ADIPOR2: variants seen among roughly 807,000 people sequenced by gnomAD.
The protein encoded by ADIPOR2 is adiponectin receptor 2, also known as adiponectin receptor protein 2.
In ADIPOR2, 18 loss-of-function variants were observed where a neutral mutation model predicts 40.9. The observed-to-expected ratio is 0.44, with a 90% CI of 0.30 to 0.65. The LOEUF (loss-of-function observed/expected upper bound fraction) is 0.65, where lower values mean the gene tolerates loss of function less well. Among genes scored for constraint, ADIPOR2 ranks in the 30% least tolerant of loss-of-function variants. The pLI is 0.09. For synonymous variants in ADIPOR2, 165 were observed against 166.4 expected (o/e 0.99, Z 0.06); for missense variants, 283 against 479.2 (o/e 0.59, Z 3.82).
intron 1 of ADIPOR2, chr12:1,702,850 A>T (rs1358537993): frequency 2.0e-5 from 3 of 152,186 alleles, no homozygotes; most frequent in Admixed American, 2.0e-4. Flanking sequence ...GGTTCTCCTC[A>T]TGCACATTAA....
At chr12:1,710,081 C>T (rs2094673123) in intron 1 of ADIPOR2, among the ~76,000 whole-genome samples, 1 of 152,210 alleles carries the variant, frequency 6.6e-6, no homozygotes. Context: ...TGTAAAAATG[C>T]ACCAGTCAGT....
intron 1 of ADIPOR2, among the ~76,000 whole-genome samples, chr12:1,699,647 G>A (rs781681909): frequency 2.5e-4 from 38 of 152,094 alleles, no homozygotes; most frequent in Admixed American, 4.6e-4. Flanking sequence ...GCGAAACTCC[G>A]TCTTAAAAAG....
chr12:1,713,227 G>A lies in ADIPOR2; in HGVS notation c.-87+22036G>A, dbSNP rs566821463. 1.2e-4 allele frequency among the ~76,000 whole-genome samples: 18 copies of A among 152,230 alleles called. No homozygotes were observed. In the East Asian group the frequency reaches 2.9e-3, roughly 25 times the overall value. The stretch of plus-strand genomic sequence containing the variant: ...GAAGGCATCCTTGAGGTCCAGAACT[G>A]TGAACGATTCTGCTTCCTTTGGTAT... On this transcript the variant is annotated intron_variant, in intron 1 of 7. Transcript: ENST00000357103.
intron 2 of ADIPOR2, among the ~76,000 whole-genome samples, chr12:1,766,414 C>T (rs1413796695): frequency 6.6e-6 from 1 of 152,126 alleles, no homozygotes; most frequent in Non-Finnish European, 1.5e-5. Flanking sequence ...GACAAGACAC[C>T]TGGGGCCTGA....
chr12:1,785,618 G>A (rs1267616866), intron 7 of ADIPOR2, among the ~76,000 whole-genome samples: 1 of 51,254 alleles, frequency 2.0e-5, no homozygotes, highest in Non-Finnish European at 7.3e-5. Flanking sequence ...CTGTTAGCAA[G>A]AGAGTCTGTG....
chr12:1,773,323 G>A lies in ADIPOR2; in HGVS notation c.291+362G>A, dbSNP rs116484885. On this transcript the variant is annotated intron_variant, in intron 3 of 7. Transcript: ENST00000357103. ...TGCCCTCCGCAGGTCCCTTAAATCT[G>A]TTCTGCTGAGTGACTGCAATGGCAA... 2.6e-3 allele frequency among the ~76,000 whole-genome samples: 398 copies of A among 152,250 alleles called. 1 individual carries two copies. The highest frequency in any genetic ancestry group is 9.3e-3 in the African/African-American group (386 of 41,546).
chr12:1,710,028 A>G (rs1448336636), intron 1 of ADIPOR2, among the ~76,000 whole-genome samples: 1 of 152,194 alleles, frequency 6.6e-6, no homozygotes, highest in Non-Finnish European at 1.5e-5. Context: ...GTTCTAAAAC[A>G]TGGTGTAAAT....
intron 1 of ADIPOR2, among the ~76,000 whole-genome samples, chr12:1,745,653 G>T (rs143913990): frequency 1.3e-5 from 2 of 152,164 alleles, no homozygotes; most frequent in Non-Finnish European, 2.9e-5. Context: ...TTTCTTAGGG[G>T]CATTGTTTCT....
At chr12:1,691,618 G>A (rs2094627283) in intron 1 of ADIPOR2, among the ~76,000 whole-genome samples, 1 of 152,192 alleles carries the variant, frequency 6.6e-6, no homozygotes, top group South Asian at 2.1e-4. Flanking sequence ...TTTGGTGGAG[G>A]CTTGGGATGG....
At chr12:1,757,681 T>TG in intron 2 of ADIPOR2, 2 of 1,311,110 alleles carry the variant, frequency 1.5e-6, no homozygotes, top group East Asian at 4.6e-5. Context: ...TGTAATAGGA[T>TG]GTACAGCAAA....
chr12:1,782,976 C>CTTTTTTTTTTTTTTTTTTTT (rs71055199), intron 6 of ADIPOR2, among the ~76,000 whole-genome samples: 3 of 109,756 alleles, frequency 2.7e-5, no homozygotes, highest in Non-Finnish European at 3.6e-5. Context: ...TTCTTTCTTT[C>CTTTTTTTTTTTTTTTTTTTT]TTTTTTTTTT....
Position 1,764,558 on chromosome 12 carries a change from AACAC to A in ADIPOR2, c.172-8255_172-8252del, listed in dbSNP as rs59660682. Among the ~76,000 whole-genome samples, 559 of 119,078 alleles carry A rather than the reference AACAC, an allele frequency of 4.7e-3. 9 individuals carry two copies. The highest frequency in any genetic ancestry group is 0.026 in the East Asian group (116 of 4,410). 78.1% of individuals were successfully genotyped at this position (119,078 alleles called of 152,430 possible). ...CAACAAAAACCTTATTAAAGTATTA[AACAC>A]ACACACACACACACACACACACACA... On this transcript the variant is annotated intron_variant, in intron 2 of 7. Coordinates refer to ENST00000357103, the MANE Select transcript of ADIPOR2 (RefSeq NM_024551.3).
intron 1 of ADIPOR2, among the ~76,000 whole-genome samples, chr12:1,753,614 T>G (rs1862050398): frequency 6.6e-6 from 1 of 152,194 alleles, no homozygotes; most frequent in Non-Finnish European, 1.5e-5. Flanking sequence ...ATACAAAATA[T>G]TATGGATAAT....
chr12:1,728,791 T>G (rs2094713424), intron 1 of ADIPOR2, among the ~76,000 whole-genome samples: 1 of 151,948 alleles, frequency 6.6e-6, no homozygotes, highest in Non-Finnish European at 1.5e-5. Context: ...ATTCATAGAA[T>G]TTTGGCCAGT....
chr12:1,705,218 G>A (rs2094659598), intron 1 of ADIPOR2, among the ~76,000 whole-genome samples: 1 of 152,126 alleles, frequency 6.6e-6, no homozygotes, highest in Non-Finnish European at 1.5e-5. Context: ...TTAAACAGTG[G>A]GCTATGTGGT....
At chr12:1,734,813 C>G (rs2094727102) in intron 1 of ADIPOR2, among the ~76,000 whole-genome samples, 1 of 152,186 alleles carries the variant, frequency 6.6e-6, no homozygotes, top group African/African-American at 2.4e-5. Flanking sequence ...TTTCAGCTTT[C>G]TACATATGGC....
At chr12:1,715,121 G>A (rs1236061413) in intron 1 of ADIPOR2, among the ~76,000 whole-genome samples, 41 of 152,018 alleles carry the variant, frequency 2.7e-4, no homozygotes. Context: ...AAGGGGAGCT[G>A]TAGGAAGGCT....
chr12:1,721,904 G>A (rs910415401), intron 1 of ADIPOR2, among the ~76,000 whole-genome samples: 5 of 152,204 alleles, frequency 3.3e-5, no homozygotes, highest in African/African-American at 9.7e-5. Context: ...TAATGGGCAA[G>A]GGGTAGAGTG....
chr12:1,756,286 G>C (rs1335382766), intron 2 of ADIPOR2, among the ~76,000 whole-genome samples: 2 of 152,032 alleles, frequency 1.3e-5, no homozygotes, highest in Admixed American at 6.6e-5. Flanking sequence ...GAGTAGCTGG[G>C]ACTACAGGCC....
Sources: gnomAD v4.1 joint callset for allele counts (sites outside exome capture counted in the v4.1 genomes callset) on GRCh38, gnomAD v4.1.1 for gene constraint, MANE v1.5 for transcripts, NCBI Gene and HGNC (gene_info 2026-07-23, HGNC 2026-07-21) for gene names.